The following HDAC1 variants were observed in gnomAD, a reference collection of about 807,000 sequenced individuals.
The protein encoded by HDAC1 is protein deacetylase HDAC1.
A neutral mutation model predicts 65.5 loss-of-function variants in HDAC1; 18 were observed. The observed-to-expected ratio is 0.27, with a 90% CI of 0.19 to 0.41. HDAC1 has a LOEUF of 0.41. Ranked by LOEUF, HDAC1 falls within the 10% of genes least tolerant of loss-of-function variation. HDAC1 has a pLI of 1.00. For missense variants in HDAC1, 373 were observed against 625.2 expected, an observed-to-expected ratio of 0.60 and a Z score of 4.30; for synonymous variants, 211 against 227.9, an observed-to-expected ratio of 0.93 and a Z score of 0.67.
chr1:32,300,007 G>A (rs1282817118), intron 1 of HDAC1, among the ~76,000 whole-genome samples: 1 of 151,874 alleles, frequency 6.6e-6, no homozygotes, highest in Admixed American at 6.6e-5. Flanking sequence ...GCAGTGAGCC[G>A]AGATCGCACC....
At chr1:32,303,503 T>G (rs1028079238) in intron 2 of HDAC1, among the ~76,000 whole-genome samples, 2 of 151,966 alleles carry the variant, frequency 1.3e-5, no homozygotes, top group Non-Finnish European at 2.9e-5. Flanking sequence ...AATGCCTAAA[T>G]AAGAGTGATT....
intron 1 of HDAC1, 36 bp downstream of exon 1, chr1:32,292,254 C>A: frequency 6.5e-7 from 1 of 1,545,714 alleles, no homozygotes; most frequent in Non-Finnish European, 8.7e-7. Context: ...CGGGGCCAGG[C>A]CGGGCCGGAC....
At chr1:32,310,585 C>T (rs1200986427) in intron 2 of HDAC1, among the ~76,000 whole-genome samples, 1 of 152,164 alleles carries the variant, frequency 6.6e-6, no homozygotes, top group African/African-American at 2.4e-5. Context: ...CGCAGTGGCT[C>T]ACGCTTGTAG....
rs1386539095 is a variant in HDAC1 at position 32,292,122 on chromosome 1, C to A, written c.-48C>A. Reference sequence around the variant, plus strand: ...GTCGGACGCTGAGCGGAGCCGCGGGCGGGAGGGCGGACGGACCGACTGACG... The same window carrying A: ...GTCGGACGCTGAGCGGAGCCGCGGGAGGGAGGGCGGACGGACCGACTGACG... On this transcript the variant is annotated 5_prime_UTR_variant, in exon 1 of 14. Coordinates refer to ENST00000373548, the MANE Select transcript of HDAC1 (RefSeq NM_004964.3). The A allele has an allele frequency of 4.6e-6, 7 of 1,534,416 alleles. No individual in the cohort carries two copies. Among genetic ancestry groups the A allele is most frequent in the East Asian group, 2.5e-5 (1 of 40,788 alleles).
At chr1:32,321,207 G>T (rs193076396) in intron 3 of HDAC1, among the ~76,000 whole-genome samples, 1,771 of 150,902 alleles carry the variant, frequency 0.012, 11 homozygotes, top group South Asian at 0.02. Context: ...CTCCAGGCTG[G>T]GCAACAGAGC....
chr1:32,327,003 C>T lies in HDAC1; in HGVS notation c.420C>T (p.His140=), dbSNP rs1191549677. The part of the protein sequence containing the change: ...DIAVNWAGGL[H]HAKKSEASGF... ...CTGTGAATTGGGCTGGGGGCCTGCA[C>T]CATGCAAAGAAGTCCGAGGCATCTG... The change falls in exon 5 of 14, where the codon CAC becomes CAT. Residue 140 remains histidine (H), a synonymous_variant. Transcript: ENST00000373548. The surrounding 1 kb of genome is among the most constrained non-coding windows in gnomAD (Gnocchi z 6.0). The T allele has an allele frequency of 6.2e-7, 1 of 1,614,090 alleles. No homozygotes were observed.
Position 32,332,107 on chromosome 1 carries a change from C to G in HDAC1, c.1237C>G (p.Arg413Gly), listed in dbSNP as rs559243694. The change falls in exon 12 of 14, where the codon CGA becomes GGA. Residue 413 changes from arginine (R) to glycine (G), a missense_variant. By Grantham distance (125) the Arg-to-Gly change is moderately radical (BLOSUM62 -2). Coordinates refer to ENST00000373548, the MANE Select transcript of HDAC1 (RefSeq NM_004964.3). ...CCTCCCAGTCTGCTCCTCTGACAAA[C>G]GAATTGCCTGTGAGGAAGAGTTCTC... ...KRISICSSDK[R>G]IACEEEFSDS... is the part of the protein sequence containing the mutation. 3 of 1,604,352 alleles carry G rather than the reference C, an allele frequency of 1.9e-6. No individual in the cohort carries two copies. Among genetic ancestry groups the G allele is most frequent in the East Asian group, 2.2e-5 (1 of 44,776 alleles).
intron 2 of HDAC1, among the ~76,000 whole-genome samples, chr1:32,314,788 T>G (rs968500822): frequency 1.5e-4 from 21 of 143,318 alleles, no homozygotes; most frequent in African/African-American, 5.3e-4. Context: ...ATCGCGCCAC[T>G]GCACTCCAGC....
chr1:32,314,825 CAAAAA>C (rs34315355), intron 2 of HDAC1, among the ~76,000 whole-genome samples: 1 of 64,168 alleles, frequency 1.6e-5, no homozygotes, highest in African/African-American at 4.8e-5. Flanking sequence ...GACTCCGTCT[CAAAAA>C]AAAAAAAAAA....
At chr1:32,305,741 G>T (rs1640902875) in intron 2 of HDAC1, among the ~76,000 whole-genome samples, 1 of 151,764 alleles carries the variant, frequency 6.6e-6, no homozygotes, top group Admixed American at 6.6e-5. Context: ...CTCCTGAGTA[G>T]CTGGGACCAC....
chr1:32,297,337 T>A (rs913930272), intron 1 of HDAC1, among the ~76,000 whole-genome samples: 23 of 152,168 alleles, frequency 1.5e-4, no homozygotes, highest in African/African-American at 4.6e-4. Context: ...AGACCAGGCG[T>A]TCAAGACCAG....
Position 32,327,408 on chromosome 1 carries a change from A to G in HDAC1, c.495-128A>G, listed in dbSNP as rs1641233995. 2.7e-6 allele frequency: 2 copies of G among 752,668 alleles called. No homozygotes were observed. The highest frequency in any genetic ancestry group is 2.3e-6 in the Non-Finnish European group (1 of 439,156). The allele number at this position is 752,668 out of a possible 1,614,324, so 46.6% of individuals were successfully genotyped here. ...GCCGCTCTTCCACCTTCCTTCAGCC[A>G]GTTTCCACGTCTCTGGTGCTTAGAG... On this transcript the variant is annotated intron_variant, in intron 5 of 13. Transcript: ENST00000373548. This position sits in a 1 kb window ranked among gnomAD's most constrained non-coding sequence, Gnocchi z 6.0.
In HDAC1 at chr1:32,327,753, T is replaced by C. The variant is rs1557611710; in HGVS notation, c.636+76T>C. The C allele has an allele frequency of 5.1e-6, 7 of 1,382,754 alleles. No individual in the cohort carries two copies. In the East Asian group the frequency reaches 1.6e-4, roughly 32 times the overall value. The allele number at this position is 1,382,754 out of a possible 1,614,324, so 85.7% of individuals were successfully genotyped here. A position where few individuals can be genotyped will look rare whatever the true frequency, so the allele number is the denominator to read the frequency against. ...ACTTCTCTCTCCTATCTCATGCCAC[T>C]AAAAATTGCTTCTTGCCTCTTCTGC... On this transcript the variant is annotated intron_variant, in intron 6 of 13. Coordinates refer to ENST00000373548, the MANE Select transcript of HDAC1 (RefSeq NM_004964.3). This position sits in a 1 kb window ranked among gnomAD's most constrained non-coding sequence, Gnocchi z 6.0.
At chr1:32,296,720 A>G (rs12133048) in intron 1 of HDAC1, among the ~76,000 whole-genome samples, 3,459 of 152,180 alleles carry the variant, frequency 0.023, 49 homozygotes, top group Non-Finnish European at 0.034. Context: ...AGGTAGGGAG[A>G]GAGGATTGTT....
rs543426446 is a variant in HDAC1, at chr1:32,309,642, G to A, written c.162+6909G>A. ...GCGGAGATTGCAGTGAGCTGAGGTC[G>A]TGCCACTGTACTCCAGCCTGGGCAA... On this transcript the variant is annotated intron_variant, in intron 2 of 13. Coordinates refer to ENST00000373548, the MANE Select transcript of HDAC1 (RefSeq NM_004964.3). Among the ~76,000 whole-genome samples the A allele has an allele frequency of 2.7e-5, 4 of 147,798 alleles. No individual in the cohort carries two copies. The Admixed American group carries it at 2.7e-4, about 10-fold the overall frequency.
chr1:32,322,891 G>A (rs952884507), intron 3 of HDAC1, among the ~76,000 whole-genome samples: 1 of 152,086 alleles, frequency 6.6e-6, no homozygotes, highest in Admixed American at 6.5e-5. Context: ...TTGTTCCTCC[G>A]CACAGTGGGG....
intron 1 of HDAC1, among the ~76,000 whole-genome samples, chr1:32,294,483 T>A (rs1224942465): frequency 1.3e-5 from 2 of 150,640 alleles, no homozygotes; most frequent in Non-Finnish European, 3.0e-5. Context: ...GTTTGGAGGT[T>A]TGGAGAATGC....
chr1:32,319,826 T>G (rs886624785), intron 3 of HDAC1, among the ~76,000 whole-genome samples: 1 of 151,958 alleles, frequency 6.6e-6, no homozygotes, highest in African/African-American at 2.4e-5. Flanking sequence ...GGCAGGAGGA[T>G]CCCTTGAGCC....
At chr1:32,322,242 C>A (rs1641157799) in intron 3 of HDAC1, among the ~76,000 whole-genome samples, 1 of 151,916 alleles carries the variant, frequency 6.6e-6, no homozygotes. Flanking sequence ...CTGCCTCTGA[C>A]TTCCTGTAGC....
Sources: allele counts gnomAD v4.1 joint callset (sites outside exome capture counted in the v4.1 genomes callset), GRCh38; gene constraint gnomAD v4.1.1; non-coding constraint Gnocchi (gnomAD v3.1); transcripts MANE v1.5; gene names NCBI Gene and HGNC (gene_info 2026-07-23, HGNC 2026-07-21).